The following RBM20 variants were observed in gnomAD, a reference collection of about 807,000 sequenced individuals.
The protein encoded by RBM20 is RNA-binding protein 20.
In RBM20, 51 loss-of-function variants were observed where a neutral mutation model predicts 110.1. The observed-to-expected ratio is 0.46, with a 90% CI of 0.37 to 0.59. RBM20 has a LOEUF of 0.59. Among genes scored for constraint, RBM20 ranks in the 20% least tolerant of loss-of-function variants. RBM20 has a pLI of 0.00. For synonymous variants in RBM20, 589 were observed against 618.2 expected, an observed-to-expected ratio of 0.95 and a Z score of 0.70; for missense variants, 1,512 against 1,574.9, an observed-to-expected ratio of 0.96 and a Z score of 0.68.
chr10:110,824,957 T>C (rs1844964662), intron 12 of RBM20, among the ~76,000 whole-genome samples: 1 of 152,094 alleles, frequency 6.6e-6, no homozygotes, highest in African/African-American at 2.4e-5. Context: ...AACTTGCTCT[T>C]TTTTTCCCTT....
intron 1 of RBM20, among the ~76,000 whole-genome samples, chr10:110,694,440 G>A (rs1000752400): frequency 6.6e-6 from 1 of 152,216 alleles, no homozygotes; most frequent in Non-Finnish European, 1.5e-5. Flanking sequence ...ACTTTTAAGA[G>A]GAAGGGGACT....
rs546015373 is a variant in RBM20 at position 110,702,436 on chromosome 10, T to C, written c.191+57791T>C. Among the ~76,000 whole-genome samples, 14 of 152,284 alleles carry C rather than the reference T, an allele frequency of 9.2e-5. No individual in the cohort carries two copies. The South Asian group carries it at 2.7e-3, about 29-fold the overall frequency. ...CTGTAGTCCCAGCTAGTCTGGAGGCTGAGGCAGGAAGATTACTTGAGCCCA... is the reference window on the plus strand; with the variant it reads ...CTGTAGTCCCAGCTAGTCTGGAGGCCGAGGCAGGAAGATTACTTGAGCCCA... On this transcript the variant is annotated intron_variant, in intron 1 of 13. Coordinates refer to ENST00000369519, the MANE Select transcript of RBM20 (RefSeq NM_001134363.3).
chr10:110,828,225 A>G (rs1187234387), intron 12 of RBM20, among the ~76,000 whole-genome samples: 2 of 152,172 alleles, frequency 1.3e-5, no homozygotes, highest in African/African-American at 4.8e-5. Context: ...TGAAAAATGG[A>G]GGACTGAGTG....
At position 110,687,528 on chromosome 10, in the gene RBM20, G is replaced by T. The variant is rs529874159; in HGVS notation, c.191+42883G>T. Reference sequence around the variant, plus strand: ...AAGTAAATCTAAACGAGCAAAAAATGTCTGGGTATTAACTCCAGTCTGATG... The same window carrying T: ...AAGTAAATCTAAACGAGCAAAAAATTTCTGGGTATTAACTCCAGTCTGATG... On this transcript the variant is annotated intron_variant, in intron 1 of 13. Transcript: ENST00000369519. 2.6e-5 allele frequency among the ~76,000 whole-genome samples: 4 copies of T among 152,382 alleles called. No homozygotes were observed. The South Asian group carries it at 6.2e-4, about 24-fold the overall frequency.
At chr10:110,793,119 C>T (rs1189682002) in intron 5 of RBM20, among the ~76,000 whole-genome samples, 2 of 152,178 alleles carry the variant, frequency 1.3e-5, no homozygotes, top group South Asian at 2.1e-4. Context: ...TCATCTCCCT[C>T]GTTCCAGACG....
intron 1 of RBM20, among the ~76,000 whole-genome samples, chr10:110,710,554 C>G (rs59464071): frequency 0.28 from 41,991 of 152,158 alleles, 6,072 homozygotes; most frequent in East Asian, 0.32. Flanking sequence ...CAGTTAAACT[C>G]CCAGCCCCAG....
At chr10:110,727,419 A>AAAAAATAAAAATAAAAAATAAAAAAAAT (rs377734576) in intron 1 of RBM20, among the ~76,000 whole-genome samples, 1 of 146,726 alleles carries the variant, frequency 6.8e-6, no homozygotes, top group Non-Finnish European at 1.5e-5. Flanking sequence ...AAATAAAAAA[A>AAAAAATAAAAATAAAAAATAAAAAAAAT]AAATAAATAA....
At chr10:110,668,792 T>G (rs938238418) in intron 1 of RBM20, among the ~76,000 whole-genome samples, 1 of 152,106 alleles carries the variant, frequency 6.6e-6, no homozygotes, top group Non-Finnish European at 1.5e-5. Context: ...TTAAGATTCT[T>G]TGGCCTAATG....
At chr10:110,782,002 G>A (rs762444425) in intron 2 of RBM20, 118 bp downstream of exon 2, 69 of 1,296,492 alleles carry the variant, frequency 5.3e-5, no homozygotes, top group Non-Finnish European at 6.2e-5. Flanking sequence ...ACAGAATTTT[G>A]CCATCAGTAT....
At chr10:110,774,067 A>T (rs1844229863) in intron 1 of RBM20, among the ~76,000 whole-genome samples, 1 of 152,202 alleles carries the variant, frequency 6.6e-6, no homozygotes, top group South Asian at 2.1e-4. Flanking sequence ...CCCTCCTTCA[A>T]GTCCCAGTCA....
At chr10:110,797,468 C>T (rs989941509) in intron 5 of RBM20, 40 bp from the exon 6 acceptor site, 1 of 1,481,408 alleles carries the variant, frequency 6.8e-7, no homozygotes, top group Admixed American at 2.1e-5. Flanking sequence ...GAAAAGGGAA[C>T]CGTCTTCTGA....
intron 3 of RBM20, among the ~76,000 whole-genome samples, 156 bp from the exon 4 acceptor site, chr10:110,784,185 G>A (rs143639177): frequency 3.9e-4 from 59 of 152,290 alleles, no homozygotes; most frequent in African/African-American, 1.4e-3. Flanking sequence ...TGACTATTGT[G>A]AATAGGGCTG....
In RBM20 at chr10:110,644,792, C is replaced by T; in HGVS notation, c.191+147C>T. 3.4e-6 allele frequency: 2 copies of T among 591,200 alleles called. No homozygotes were observed. The highest frequency in any genetic ancestry group is 5.6e-6 in the Non-Finnish European group (2 of 358,542). 36.6% of individuals were successfully genotyped at this position (591,200 alleles called of 1,614,324 possible). A position where few individuals can be genotyped will look rare whatever the true frequency, so the allele number is the denominator to read the frequency against. On this transcript the variant is annotated intron_variant, in intron 1 of 13. Coordinates refer to ENST00000369519, the MANE Select transcript of RBM20 (RefSeq NM_001134363.3). This position sits in a 1 kb window ranked among gnomAD's most constrained non-coding sequence, Gnocchi z 4.3. ...TTCTCGTACCCCCTCTGGGCAGAGT[C>T]GGTGTCCTTCTGGCTGTTTGTTAGG...
At chr10:110,733,767 G>A (rs914729814) in intron 1 of RBM20, among the ~76,000 whole-genome samples, 2 of 152,166 alleles carry the variant, frequency 1.3e-5, no homozygotes, top group Non-Finnish European at 2.9e-5. Context: ...GGAACTGCTC[G>A]CTCAGCTACT....
Position 110,797,571 on chromosome 10 carries a change from A to G in RBM20, c.1591A>G (p.Thr531Ala). Residue 531 changes from threonine (T) to alanine (A), a missense_variant, in exon 6 of 14, where the codon ACT (threonine) becomes GCT (alanine). Coordinates refer to ENST00000369519, the MANE Select transcript of RBM20 (RefSeq NM_001134363.3). ...HICNLPEGSC[T>A]ENDVINLGLP... ...CTGCAATCTCCCTGAAGGAAGCTGC[A>G]CTGAGAATGACGTCATTAACCTGGG... The G allele has an allele frequency of 6.4e-7, 1 of 1,551,744 alleles. No individual in the cohort carries two copies. The highest frequency in any genetic ancestry group is 8.7e-7 in the Non-Finnish European group (1 of 1,146,982).
At chr10:110,818,020 C>T (rs892137959) in intron 9 of RBM20, among the ~76,000 whole-genome samples, 5 of 152,060 alleles carry the variant, frequency 3.3e-5, no homozygotes, top group African/African-American at 1.2e-4. Flanking sequence ...TGGCTCACGC[C>T]TGTAATTCCA....
intron 1 of RBM20, among the ~76,000 whole-genome samples, chr10:110,728,641 G>A (rs113305515): frequency 7.2e-5 from 11 of 152,186 alleles, no homozygotes; most frequent in African/African-American, 2.7e-4. Flanking sequence ...GTGTGTTTTT[G>A]CCCAATCATA....
At chr10:110,757,613 T>G (rs776270686) in intron 1 of RBM20, among the ~76,000 whole-genome samples, 11 of 152,344 alleles carry the variant, frequency 7.2e-5, no homozygotes, top group Middle Eastern at 3.4e-3. Context: ...CTGAAGACTG[T>G]CTAATGCTAT....
intron 12 of RBM20, 41 bp from the exon 13 acceptor site, chr10:110,831,020 G>A (rs74407586): frequency 6.6e-7 from 1 of 1,518,794 alleles, no homozygotes; most frequent in Admixed American, 2.0e-5. Context: ...TGCCTCCCAT[G>A]CCATCCTAAC....
Sources: gnomAD v4.1 joint callset for allele counts (sites outside exome capture counted in the v4.1 genomes callset) on GRCh38, gnomAD v4.1.1 for gene constraint, Gnocchi (gnomAD v3.1) non-coding constraint, MANE v1.5 for transcripts, NCBI Gene and HGNC (gene_info 2026-07-23, HGNC 2026-07-21) for gene names.